Variants in USP9X observed in about 807,000 individuals in gnomAD.
USP9X encodes the protein ubiquitin specific peptidase 9 X-linked, also known as ubiquitin carboxyl-terminal hydrolase 9X.
USP9X carries 7 observed loss-of-function variants against 190.3 expected under a neutral mutation model. The ratio of observed to expected loss-of-function variants is 0.04; its 90% CI spans 0.02 to 0.07. USP9X has a LOEUF of 0.07. Among genes scored for constraint, USP9X ranks in the 10% least tolerant of loss-of-function variants. The pLI is 1.00. For missense variants in USP9X, 1,010 were observed against 1,916.9 expected, an observed-to-expected ratio of 0.53 and a Z score of 8.83; for synonymous variants, 645 against 659.5, an observed-to-expected ratio of 0.98 and a Z score of 0.34.
chrX:41,189,121 A>G (rs2062908655), intron 25 of USP9X, among the ~76,000 whole-genome samples, 188 bp from the exon 26 acceptor site: 1 of 112,364 alleles, frequency 8.9e-6, no homozygotes, highest in Admixed American at 9.4e-5. Flanking sequence ...ATGGAATTAG[A>G]CTTTATTTTC....
intron 29 of USP9X, among the ~76,000 whole-genome samples, 166 bp downstream of exon 29, chrX:41,197,676 C>T (rs1479168828): frequency 1.8e-5 from 2 of 110,927 alleles, no homozygotes; most frequent in African/African-American, 6.6e-5. Context: ...TACAGTTATG[C>T]CTTACTTTAT....
intron 1 of USP9X, among the ~76,000 whole-genome samples, chrX:41,088,059 C>T (rs988251079): frequency 8.9e-6 from 1 of 112,109 alleles, no homozygotes; most frequent in African/African-American, 3.2e-5. Flanking sequence ...TCTCGGCTCA[C>T]TGCAACGTCC....
chrX:41,160,321 C>CAT (rs59728639), intron 14 of USP9X, among the ~76,000 whole-genome samples: 131 of 106,798 alleles, frequency 1.2e-3, no homozygotes, highest in South Asian at 3.2e-3. Flanking sequence ...TATATATATA[C>CAT]ATATATATAT....
At chrX:41,110,015 A>G (rs887508899) in intron 1 of USP9X, among the ~76,000 whole-genome samples, 8 of 111,489 alleles carry the variant, frequency 7.2e-5, no homozygotes, top group African/African-American at 2.3e-4. Flanking sequence ...ACTCCTTAAC[A>G]TGAACCTCCT....
Position 41,085,948 on chromosome X carries a change from C to T in USP9X, c.-320C>T, listed in dbSNP as rs573662580. The T allele has an allele frequency of 2.7e-5, 8 of 295,849 alleles. No individual in the cohort carries two copies. The South Asian group carries it at 1.6e-3, about 60-fold the overall frequency. The allele number at this position is 295,849 out of a possible 1,213,427, so 24.4% of individuals were successfully genotyped here. ...GCCTTTTGGTTGAGACGCCCGCAGCCCCGAGCCCGGCCGCCGCAGCCTTTC... is the reference window on the plus strand; with the variant it reads ...GCCTTTTGGTTGAGACGCCCGCAGCTCCGAGCCCGGCCGCCGCAGCCTTTC... On this transcript the variant is annotated 5_prime_UTR_variant, in exon 1 of 45. Coordinates refer to ENST00000378308, the MANE Select transcript of USP9X (RefSeq NM_001039591.3).
intron 1 of USP9X, 72 bp from the exon 2 acceptor site, chrX:41,123,399 A>G (rs1001742288): frequency 1.1e-5 from 4 of 363,329 alleles, no homozygotes; most frequent in African/African-American, 2.6e-5. Context: ...TGGTGATACT[A>G]AATTCGAACA....
Position 41,167,249 on chromosome X carries a change from T to A in USP9X, c.2329-233T>A, listed in dbSNP as rs764651532. The A allele has an allele frequency of 6.2e-5, 16 of 259,204 alleles. No individual in the cohort carries two copies. In the East Asian group the frequency reaches 1.2e-3, roughly 19 times the overall value. The allele number at this position is 259,204 out of a possible 1,213,427, so 21.4% of individuals were successfully genotyped here. On this transcript the variant is annotated intron_variant, in intron 16 of 44. Transcript: ENST00000378308. Reference sequence around the variant, plus strand: ...ATAATAGTGGTCAAAGCGTATTTTATTTTTACAAAAATGTACCTTTCATTC... The same window carrying A: ...ATAATAGTGGTCAAAGCGTATTTTAATTTTACAAAAATGTACCTTTCATTC...
chrX:41,177,926 C>CA (rs2062789986), intron 21 of USP9X, among the ~76,000 whole-genome samples: 1 of 109,013 alleles, frequency 9.2e-6, no homozygotes, highest in Admixed American at 9.8e-5. Context: ...CATACAACCT[C>CA]AATTTTTTTA....
intron 6 of USP9X, among the ~76,000 whole-genome samples, chrX:41,138,976 A>G (rs1601964082): frequency 2.7e-5 from 3 of 112,737 alleles, no homozygotes; most frequent in Non-Finnish European, 1.9e-5. Context: ...AAGCTAGCCT[A>G]TTAGCCTCAG....
Position 41,123,552 on chromosome X carries a change from A to T in USP9X, c.-77A>T. On this transcript the variant is annotated 5_prime_UTR_variant, in exon 2 of 45. Transcript: ENST00000378308. Reference sequence around the variant, plus strand: ...GACAAATGCTGGTACTTCATCTTCTATAAGTGGACTATAATTTCTTTTCTC... The same window carrying T: ...GACAAATGCTGGTACTTCATCTTCTTTAAGTGGACTATAATTTCTTTTCTC... 3.5e-6 allele frequency: 3 copies of T among 856,533 alleles called. No homozygotes were observed. Among genetic ancestry groups the T allele is most frequent in the Non-Finnish European group, 5.1e-6 (3 of 587,078 alleles). The allele number at this position is 856,533 out of a possible 1,213,427, so 70.6% of individuals were successfully genotyped here.
intron 22 of USP9X, 107 bp downstream of exon 22, chrX:41,184,235 G>A: frequency 9.9e-7 from 1 of 1,010,105 alleles, no homozygotes; most frequent in South Asian, 2.5e-5. Context: ...GAATGATTTG[G>A]GTAAAATTGT....
At chrX:41,110,726 A>G (rs976224861) in intron 1 of USP9X, among the ~76,000 whole-genome samples, 2 of 112,298 alleles carry the variant, frequency 1.8e-5, no homozygotes, top group African/African-American at 3.2e-5. Context: ...ACCTGGCTGC[A>G]CTAGTATTGA....
intron 14 of USP9X, among the ~76,000 whole-genome samples, chrX:41,162,099 C>G (rs1675173077): frequency 8.9e-6 from 1 of 111,847 alleles, no homozygotes; most frequent in African/African-American, 3.3e-5. Flanking sequence ...AATGTCCCAT[C>G]TTTATAACAC....
rs2302378 is a variant in USP9X, at chrX:41,225,281, G to C, written c.7061+144G>C. The C allele has an allele frequency of 0.25, 112,230 of 441,001 alleles. 11,439 individuals are homozygous for C. Among genetic ancestry groups the C allele is most frequent in the Non-Finnish European group, 0.3 (80,013 of 268,556 alleles). The allele number at this position is 441,001 out of a possible 1,213,427, so 36.3% of individuals were successfully genotyped here. ...AAACCTAGGACAAGGGTAAATAACA[G>C]GTTCTCCCCTTTTCCTCAGAATTTT... On this transcript the variant is annotated intron_variant, in intron 41 of 44. Transcript: ENST00000378308.
At chrX:41,090,777 A>G (rs747717432) in intron 1 of USP9X, among the ~76,000 whole-genome samples, 8 of 111,748 alleles carry the variant, frequency 7.2e-5, no homozygotes, top group Non-Finnish European at 1.5e-4. Context: ...TGTTAGTCAC[A>G]CAGTCAAAAA....
chrX:41,154,904 G>A (rs1177963319), intron 14 of USP9X, among the ~76,000 whole-genome samples: 15 of 111,124 alleles, frequency 1.3e-4, no homozygotes, highest in Non-Finnish European at 2.6e-4. Flanking sequence ...GGGGGTGGGG[G>A]CAAATAATTT....
Position 41,196,628 on chromosome X carries a change from T to C in USP9X, c.4123T>C (p.Tyr1375His). The C allele has an allele frequency of 1.7e-6, 2 of 1,208,667 alleles. No individual in the cohort carries two copies. The highest frequency in any genetic ancestry group is 2.2e-6 in the Non-Finnish European group (2 of 893,518). The change falls in exon 28 of 45, where the codon TAC becomes CAC. Residue 1375 changes from tyrosine (Y) to histidine (H), a missense_variant. Tyr to His is a moderately conservative substitution (Grantham distance 83, BLOSUM62 2). This residue lies in a region of USP9X where 351 missense variants were observed against 480.8 expected (regional missense o/e 0.73). Transcript: ENST00000378308. ...AGAGAGAGCTAAACACTCAGGCGAC[T>C]ACTTTACTCTTTTAAGACACCTTCT... ...ARERAKHSGD[Y>H]FTLLRHLLNY...
chrX:41,149,475 A>G lies in USP9X; in HGVS notation c.1626+900A>G, dbSNP rs771160438. Among the ~76,000 whole-genome samples, 7 of 110,415 alleles carry G rather than the reference A, an allele frequency of 6.3e-5. No individual in the cohort carries two copies. In the South Asian group the frequency reaches 1.5e-3, roughly 24 times the overall value. On this transcript the variant is annotated intron_variant, in intron 12 of 44. Transcript: ENST00000378308. ...ATTTATTGTTTGGGAAAAAATTTTT[A>G]AAAGTCATTTTCCAACTGTCACCTT...
At chrX:41,169,852 C>T in intron 18 of USP9X, 143 bp from the exon 19 acceptor site, 2 of 804,669 alleles carry the variant, frequency 2.5e-6, no homozygotes, top group Non-Finnish European at 3.6e-6. Context: ...AAGGGATTCT[C>T]AAGCTGTATT....
Sources: gnomAD v4.1 joint callset for allele counts (sites outside exome capture counted in the v4.1 genomes callset) on GRCh38, gnomAD v4.1.1 for gene constraint, gnomAD v4.1.1 regional missense constraint, MANE v1.5 for transcripts, NCBI Gene and HGNC (gene_info 2026-07-23, HGNC 2026-07-21) for gene names.